CEP63: variants seen among roughly 807,000 people sequenced by gnomAD.
The protein encoded by CEP63 is centrosomal protein of 63 kDa.
A neutral mutation model predicts 89.1 loss-of-function variants in CEP63; 84 were observed. The observed-to-expected ratio is 0.94, with a 90% CI of 0.79 to 1.13. CEP63 has a LOEUF of 1.13. Among genes scored for constraint, CEP63 ranks in the 50% most tolerant of loss-of-function variants. CEP63 has a pLI of 0.00. For synonymous variants in CEP63, 267 were observed against 272.5 expected, an observed-to-expected ratio of 0.98 and a Z score of 0.20; for missense variants, 838 against 813.3, an observed-to-expected ratio of 1.03 and a Z score of -0.37.
the CEP63 span, among the ~76,000 whole-genome samples, chr3:134,738,865 T>A: frequency 6.6e-6 from 1 of 152,002 alleles, no homozygotes; most frequent in Non-Finnish European, 1.5e-5. Flanking sequence ...TATATGCAAG[T>A]GGCCAAAAAG....
At chr3:134,749,418 T>C in the CEP63 span, among the ~76,000 whole-genome samples, 1 of 152,096 alleles carries the variant, frequency 6.6e-6, no homozygotes, top group Non-Finnish European at 1.5e-5. Context: ...TAGAAGGCTG[T>C]TGCTTGCTGC....
At chr3:134,581,896 C>T (rs1340845864) in intron 10 of CEP63, among the ~76,000 whole-genome samples, 1 of 151,474 alleles carries the variant, frequency 6.6e-6, no homozygotes, top group Admixed American at 6.6e-5. Context: ...AGGATGGTCT[C>T]GATCTCCTGA....
the CEP63 span, chr3:134,624,976 C>A: frequency 7.9e-7 from 1 of 1,258,358 alleles, no homozygotes; most frequent in Non-Finnish European, 1.1e-6. Flanking sequence ...CAGGAGGTGT[C>A]TGGGGAGAGG....
At chr3:134,509,645 G>A (rs559394525) in intron 3 of CEP63, among the ~76,000 whole-genome samples, 2 of 152,166 alleles carry the variant, frequency 1.3e-5, no homozygotes, top group Non-Finnish European at 2.9e-5. Flanking sequence ...AGACAATATT[G>A]GAGACTGCCA....
chr3:134,749,251 G>A, the CEP63 span, among the ~76,000 whole-genome samples: 1 of 152,208 alleles, frequency 6.6e-6, no homozygotes, highest in Non-Finnish European at 1.5e-5. Context: ...GGTCTGAGAT[G>A]TGTCTGGAGA....
At chr3:134,694,869 C>A in the CEP63 span, among the ~76,000 whole-genome samples, 2 of 152,170 alleles carry the variant, frequency 1.3e-5, no homozygotes, top group Non-Finnish European at 2.9e-5. Context: ...GATAGAGAAC[C>A]AAGCGTTTGC....
chr3:134,562,222 G>A lies in CEP63; in HGVS notation c.*687G>A. On this transcript the variant is annotated 3_prime_UTR_variant, in exon 15 of 15. Transcript: ENST00000675561. ...TCATCGTCTGCACTGCTGAGGACAA[G>A]TTTAGATGGGAGACAAAGATCTGGA... 2.0e-6 allele frequency: 2 copies of A among 985,628 alleles called. No homozygotes were observed. Among genetic ancestry groups the A allele is most frequent in the Admixed American group, 6.1e-5 (1 of 16,296 alleles). The allele number at this position is 985,628 out of a possible 1,614,324, so 61.1% of individuals were successfully genotyped here.
chr3:134,688,941 C>T, the CEP63 span, among the ~76,000 whole-genome samples: 1 of 152,212 alleles, frequency 6.6e-6, no homozygotes, highest in Non-Finnish European at 1.5e-5. Context: ...CTGGGGTTAG[C>T]TTCTGGCTTG....
the CEP63 span, among the ~76,000 whole-genome samples, chr3:134,768,632 G>A: frequency 6.6e-6 from 1 of 152,210 alleles, no homozygotes; most frequent in Non-Finnish European, 1.5e-5. Flanking sequence ...AAAAAGGAGT[G>A]TCTTCTCCAA....
At chr3:134,618,881 C>A in the CEP63 span, among the ~76,000 whole-genome samples, 3 of 152,146 alleles carry the variant, frequency 2.0e-5, no homozygotes, top group Non-Finnish European at 4.4e-5. Context: ...TGGGAGAAGG[C>A]GGAAAAAGGG....
chr3:134,663,539 A>C, the CEP63 span, among the ~76,000 whole-genome samples: 2 of 152,178 alleles, frequency 1.3e-5, no homozygotes, highest in Non-Finnish European at 2.9e-5. Flanking sequence ...GCTGCCCACA[A>C]ACCCCGGGGG....
chr3:134,500,140 T>C (rs1201660177), intron 2 of CEP63, among the ~76,000 whole-genome samples: 1 of 152,164 alleles, frequency 6.6e-6, no homozygotes, highest in Non-Finnish European at 1.5e-5. Context: ...ATTCCCATCT[T>C]GATGTCTGTG....
intron 11 of CEP63, among the ~76,000 whole-genome samples, 172 bp from the exon 12 acceptor site, chr3:134,551,754 T>TACAC (rs1272202256): frequency 1.4e-4 from 3 of 21,818 alleles, no homozygotes; most frequent in South Asian, 8.7e-4. Context: ...TATATATATA[T>TACAC]ACACACACAC....
intron 1 of CEP63, among the ~76,000 whole-genome samples, chr3:134,487,617 AAGGT>A (rs1936060455): frequency 6.6e-6 from 1 of 152,224 alleles, no homozygotes; most frequent in Non-Finnish European, 1.5e-5. Flanking sequence ...ACATTGACAG[AAGGT>A]TTCAGGAACT....
intron 10 of CEP63, among the ~76,000 whole-genome samples, chr3:134,585,299 T>A (rs1339608146): frequency 1.3e-5 from 2 of 152,158 alleles, no homozygotes; most frequent in East Asian, 3.9e-4. Context: ...ATTTTAGATC[T>A]TTCCTGCCTT....
chr3:134,529,671 T>G (rs1365129852), intron 3 of CEP63, among the ~76,000 whole-genome samples: 2 of 151,734 alleles, frequency 1.3e-5, no homozygotes, highest in Non-Finnish European at 2.9e-5. Context: ...ACATTTATTT[T>G]CTTCTTTTCC....
At chr3:134,759,597 G>A in the CEP63 span, among the ~76,000 whole-genome samples, 20,275 of 152,208 alleles carry the variant, frequency 0.13, 1,471 homozygotes, top group Middle Eastern at 0.18. Context: ...CCTGGCTAAA[G>A]TGGTGGCTGC....
the CEP63 span, among the ~76,000 whole-genome samples, chr3:134,597,539 A>G: frequency 1.3e-5 from 2 of 152,160 alleles, no homozygotes; most frequent in Non-Finnish European, 2.9e-5. Flanking sequence ...CAGGTCGCGG[A>G]GAGACTCCAG....
chr3:134,587,777 C>T (rs750630573), exon 11 of CEP63, among the ~76,000 whole-genome samples: 10 of 151,380 alleles, frequency 6.6e-5, no homozygotes, highest in Non-Finnish European at 1.3e-4. Context: ...CCATCGATCA[C>T]GCTGGGAGCT....
Sources: gnomAD v4.1 joint callset for allele counts (sites outside exome capture counted in the v4.1 genomes callset) on GRCh38, gnomAD v4.1.1 for gene constraint, MANE v1.5 for transcripts, NCBI Gene and HGNC (gene_info 2026-07-23, HGNC 2026-07-21) for gene names.